Variants in SMYD5 observed in about 807,000 individuals in gnomAD.
SMYD5 encodes protein-lysine N-trimethyltransferase SMYD5.
A neutral mutation model predicts 57.4 loss-of-function variants in SMYD5; 35 were observed. That is an observed-to-expected ratio of 0.61 (90% CI 0.47 to 0.81). The LOEUF is 0.81. Among genes scored for constraint, SMYD5 ranks in the 30% least tolerant of loss-of-function variants. The pLI is 0.00. For missense variants in SMYD5, 471 were observed against 527.9 expected (o/e 0.89, Z 1.06); for synonymous variants, 198 against 189.7 (o/e 1.04, Z -0.36).
Position 73,223,089 on chromosome 2 carries a change from C to T in SMYD5, c.759C>T (p.Gly253=), listed in dbSNP as rs1205891974. 1 of 1,613,848 alleles carries T rather than the reference C, an allele frequency of 6.2e-7. No individual in the cohort carries two copies. The highest frequency in any genetic ancestry group is 1.3e-5 in the African/African-American group (1 of 74,930). The part of the protein sequence containing the change: ...RSLFALVGTN[G]QGIGTSSLSQ... ...TCTTTGCTCTTGTTGGGACCAATGG[C>T]CAAGGAATCGGGACCAGGTTAGAAT... Residue 253 remains glycine (G), a synonymous_variant, in exon 8 of 13, where the codon GGC becomes GGT. Transcript: ENST00000389501.
In SMYD5 at chr2:73,220,091, G is replaced by C. The variant is rs1686355582; in HGVS notation, c.246G>C (p.Glu82Asp). ...TTAGGGCACTAGAGAAGGCAGAGGAGAATGCCCAGAGGCTGACCGGGAAAC... is the reference window on the plus strand; with the variant it reads ...TTAGGGCACTAGAGAAGGCAGAGGACAATGCCCAGAGGCTGACCGGGAAAC... Reference protein sequence around the residue: ...HCLRALEKAEENAQRLTGKPG... With the variant: ...HCLRALEKAEDNAQRLTGKPG... Residue 82 changes from glutamate to aspartate, a missense_variant, in exon 3 of 13, where the codon GAG (glutamate) becomes GAC (aspartate). By Grantham distance (45) the Glu-to-Asp change is conservative. Coordinates refer to ENST00000389501, the MANE Select transcript of SMYD5 (RefSeq NM_006062.3). The C allele has an allele frequency of 1.2e-6, 2 of 1,614,120 alleles. No individual in the cohort carries two copies. The highest frequency in any genetic ancestry group is 2.7e-5 in the African/African-American group (2 of 74,942).
At chr2:73,217,533 GA>G (rs1180093206) in intron 1 of SMYD5, among the ~76,000 whole-genome samples, 1 of 152,214 alleles carries the variant, frequency 6.6e-6, no homozygotes, top group East Asian at 1.9e-4. Context: ...GGCATGGGGA[GA>G]AGGGCTTCCA....
rs1054907836 is a variant in SMYD5 at position 73,225,028 on chromosome 2, G to C, written c.1035+68G>C. Reference sequence around the variant, plus strand: ...CTTGGAAGTTCTCTGCAGGGATCAGGAGCAGCAGTGGCTAGAGCACCTTGA... The same window carrying C: ...CTTGGAAGTTCTCTGCAGGGATCAGCAGCAGCAGTGGCTAGAGCACCTTGA... On this transcript the variant is annotated intron_variant, in intron 11 of 12. Coordinates refer to ENST00000389501, the MANE Select transcript of SMYD5 (RefSeq NM_006062.3). The C allele has an allele frequency of 8.4e-6, 10 of 1,189,874 alleles. No homozygotes were observed. In the East Asian group the frequency reaches 1.9e-4, roughly 22 times the overall value. 73.7% of individuals were successfully genotyped at this position (1,189,874 alleles called of 1,614,324 possible). A position where few individuals can be genotyped will look rare whatever the true frequency, so the allele number is the denominator to read the frequency against.
At chr2:73,219,905 A>C in intron 2 of SMYD5, 146 bp from the exon 3 acceptor site, 1 of 930,026 alleles carries the variant, frequency 1.1e-6, no homozygotes, top group Non-Finnish European at 1.8e-6. Flanking sequence ...TCATCCATGC[A>C]TGTAATTATT....
chr2:73,214,495 C>T lies in SMYD5; in HGVS notation c.96+133C>T, dbSNP rs1266952646. On this transcript the variant is annotated intron_variant, in intron 1 of 12. Coordinates refer to ENST00000389501, the MANE Select transcript of SMYD5 (RefSeq NM_006062.3). The stretch of plus-strand genomic sequence containing the variant: ...CTACGGCCCTGCCCCTGCTCGCGGC[C>T]CGGGGGCTCCCAGTCTGTCCCTGCG... 43 of 1,496,864 alleles carry T rather than the reference C, an allele frequency of 2.9e-5. No homozygotes were observed. The Middle Eastern group carries it at 2.4e-3, about 85-fold the overall frequency. The allele number at this position is 1,496,864 out of a possible 1,614,324, so 92.7% of individuals were successfully genotyped here.
intron 1 of SMYD5, among the ~76,000 whole-genome samples, chr2:73,217,169 C>T (rs2103709342): frequency 6.6e-6 from 1 of 152,236 alleles, no homozygotes; most frequent in South Asian, 2.1e-4. Context: ...TCAGGCTGGT[C>T]TTGAACTCCT....
chr2:73,224,288 C>T (rs1448903330), intron 10 of SMYD5, among the ~76,000 whole-genome samples: 2 of 152,198 alleles, frequency 1.3e-5, no homozygotes, highest in South Asian at 2.1e-4. Flanking sequence ...CTGATTCTTG[C>T]AAAGGGATGC....
At position 73,226,909 on chromosome 2, in the gene SMYD5, T is replaced by TA. The variant is rs1558554315; in HGVS notation, c.*964dup. 6.5e-6 allele frequency: 1 copy of TA among 152,728 alleles called. No individual in the cohort carries two copies. Among genetic ancestry groups the TA allele is most frequent in the East Asian group, 1.9e-4 (1 of 5,196 alleles). 9.5% of individuals were successfully genotyped at this position (152,728 alleles called of 1,614,324 possible). A position where few individuals can be genotyped will look rare whatever the true frequency, so the allele number is the denominator to read the frequency against. ...AGAAACCTCGAGGAGCTGGGCTAGA[T>TA]ACTTCGAGAGTAGCCCTGTCTTGTC... On this transcript the variant is annotated 3_prime_UTR_variant, in exon 13 of 13. Transcript: ENST00000389501.
chr2:73,225,325 A>T, intron 11 of SMYD5: 1 of 507,250 alleles, frequency 2.0e-6, no homozygotes, highest in Non-Finnish European at 3.5e-6. Flanking sequence ...AATCTTCTTG[A>T]GGGCAAGTAG....
In SMYD5 at chr2:73,224,967, G is replaced by T; in HGVS notation, c.1035+7G>T. 1 of 1,611,146 alleles carries T rather than the reference G, an allele frequency of 6.2e-7. No homozygotes were observed. Among genetic ancestry groups the T allele is most frequent in the South Asian group, 1.1e-5 (1 of 90,914 alleles). On this transcript the variant is annotated splice_region_variant and intron_variant, in intron 11 of 12. Coordinates refer to ENST00000389501, the MANE Select transcript of SMYD5 (RefSeq NM_006062.3). Reference sequence around the variant, plus strand: ...GGATATTAAGCCAGGAGAGGTGAGGGGGACCAGGAACCGTCGGGATGGGTG... The same window carrying T: ...GGATATTAAGCCAGGAGAGGTGAGGTGGACCAGGAACCGTCGGGATGGGTG...
chr2:73,221,178 C>T lies in SMYD5; in HGVS notation c.481C>T (p.Pro161Ser), dbSNP rs1404135829. 1 of 1,613,906 alleles carries T rather than the reference C, an allele frequency of 6.2e-7. No homozygotes were observed. Among genetic ancestry groups the T allele is most frequent in the South Asian group, 1.1e-5 (1 of 91,066 alleles). Residue 161 changes from proline (P) to serine (S), a missense_variant, in exon 5 of 13, where the codon CCA becomes TCA. Coordinates refer to ENST00000389501, the MANE Select transcript of SMYD5 (RefSeq NM_006062.3). ...LQEAWRSIHY[P>S]PETASIMLMA... Reference sequence around the variant, plus strand: ...CTCTTTCCCCAGGAGTATTCACTACCCACCTGAGACTGCAAGCATCATGTT... The same window carrying T: ...CTCTTTCCCCAGGAGTATTCACTACTCACCTGAGACTGCAAGCATCATGTT...
intron 10 of SMYD5, 112 bp from the exon 11 acceptor site, chr2:73,224,754 G>A (rs1421026674): frequency 8.7e-6 from 7 of 801,216 alleles, no homozygotes; most frequent in Non-Finnish European, 1.2e-5. Flanking sequence ...GTTCCAAAAC[G>A]TGCTCAGCCT....
intron 7 of SMYD5, 98 bp from the exon 8 acceptor site, chr2:73,222,938 G>T: frequency 2.0e-6 from 3 of 1,488,002 alleles, no homozygotes; most frequent in South Asian, 1.1e-5. Context: ...CTGGAGTTCA[G>T]ATGAGCCTGA....
intron 1 of SMYD5, among the ~76,000 whole-genome samples, chr2:73,215,339 G>A (rs186545873): frequency 2.0e-5 from 3 of 151,920 alleles, no homozygotes; most frequent in Admixed American, 6.5e-5. Context: ...TGTAGTGGCT[G>A]TGTGTATGGT....
Position 73,220,742 on chromosome 2 carries a change from G to T in SMYD5, c.427G>T (p.Asp143Tyr), listed in dbSNP as rs779504329. The T allele has an allele frequency of 6.2e-7, 1 of 1,614,092 alleles. No individual in the cohort carries two copies. Among genetic ancestry groups the T allele is most frequent in the South Asian group, 1.1e-5 (1 of 91,086 alleles). Residue 143 changes from aspartate (D) to tyrosine (Y), a missense_variant, in exon 4 of 13, where the codon GAC (aspartate) becomes TAC (tyrosine). Coordinates refer to ENST00000389501, the MANE Select transcript of SMYD5 (RefSeq NM_006062.3). ...QVLCPGPSQDDPLHPLNKLQE... is the reference protein window; with the variant it reads ...QVLCPGPSQDYPLHPLNKLQE... ...CCTGTGCCCAGGCCCCTCCCAGGAT[G>T]ACCCCTTGCATCCTCTCAATAAGCT...
intron 1 of SMYD5, among the ~76,000 whole-genome samples, chr2:73,216,952 A>G (rs1452402360): frequency 7.2e-6 from 1 of 139,606 alleles, no homozygotes; most frequent in African/African-American, 2.8e-5. Flanking sequence ...AGTGCTCTCC[A>G]ACCTTCTTTT....
At position 73,221,017 on chromosome 2, in the gene SMYD5, C is replaced by A. The variant is rs560429964; in HGVS notation, c.468-148C>A. ...GAGCCCCATTAAGCCAATAGGGATG[C>A]AAAGTCTTGCCTAAGTCCTTGTCTA... On this transcript the variant is annotated intron_variant, in intron 4 of 12. Coordinates refer to ENST00000389501, the MANE Select transcript of SMYD5 (RefSeq NM_006062.3). 146 of 823,660 alleles carry A rather than the reference C, an allele frequency of 1.8e-4. 4 individuals are homozygous for A. The Admixed American group carries it at 3.3e-3, about 19-fold the overall frequency. 51.0% of individuals were successfully genotyped at this position (823,660 alleles called of 1,614,324 possible).
intron 2 of SMYD5, among the ~76,000 whole-genome samples, chr2:73,219,711 T>C (rs1558551807): frequency 6.6e-6 from 1 of 151,840 alleles, no homozygotes. Context: ...AGAGACACAA[T>C]GAAAGGAGGG....
intron 2 of SMYD5, 36 bp downstream of exon 2, chr2:73,219,005 G>A (rs143864461): frequency 2.5e-4 from 364 of 1,483,430 alleles, no homozygotes; most frequent in South Asian, 3.7e-4. Flanking sequence ...TGGCCCAGTC[G>A]TCTTTGTGCA....
Sources: gnomAD v4.1 joint callset for allele counts (sites outside exome capture counted in the v4.1 genomes callset) on GRCh38, gnomAD v4.1.1 for gene constraint, MANE v1.5 for transcripts, NCBI Gene and HGNC (gene_info 2026-07-23, HGNC 2026-07-21) for gene names.